Variants in PTPRM observed in about 807,000 individuals in gnomAD.
The protein encoded by PTPRM is receptor-type tyrosine-protein phosphatase mu.
PTPRM carries 47 observed loss-of-function variants against 186.7 expected under a neutral mutation model. The ratio of observed to expected loss-of-function variants is 0.25; its 90% CI spans 0.20 to 0.32. The LOEUF (loss-of-function observed/expected upper bound fraction) is 0.32, where lower values mean the gene tolerates loss of function less well. Ranked by LOEUF, PTPRM falls within the 10% of genes least tolerant of loss-of-function variation. The pLI is 1.00. For missense variants in PTPRM, 1,494 were observed against 1,865.0 expected (o/e 0.80, Z 3.66); for synonymous variants, 668 against 674.9 (o/e 0.99, Z 0.16).
rs181789779 is a variant in PTPRM at position 8,353,579 on chromosome 18, G to T, written c.3054+10059G>T. The stretch of plus-strand genomic sequence containing the variant: ...GAGGAGAACTTGAGAATGAACCAGG[G>T]TTTCTACCACTGTGACTTGGGTTGC... On this transcript the variant is annotated intron_variant, in intron 23 of 32. Transcript: ENST00000580170. Among the ~76,000 whole-genome samples, 33 of 152,090 alleles carry T rather than the reference G, an allele frequency of 2.2e-4. No homozygotes were observed. The East Asian group carries it at 5.8e-3, about 27-fold the overall frequency.
chr18:8,152,745 G>GTC (rs1462450428), intron 14 of PTPRM, among the ~76,000 whole-genome samples: 1 of 103,994 alleles, frequency 9.6e-6, no homozygotes, highest in Non-Finnish European at 1.8e-5. Flanking sequence ...TTGAGATAGG[G>GTC]TCTCGTTCTG....
At chr18:8,257,272 G>A (rs1184594037) in intron 19 of PTPRM, among the ~76,000 whole-genome samples, 2 of 152,210 alleles carry the variant, frequency 1.3e-5, no homozygotes, top group African/African-American at 4.8e-5. Flanking sequence ...AATGGCAGGA[G>A]TTCTATATGC....
chr18:8,068,487 T>C (rs1013186549), intron 7 of PTPRM, among the ~76,000 whole-genome samples: 1 of 152,238 alleles, frequency 6.6e-6, no homozygotes, highest in African/African-American at 2.4e-5. Context: ...AAGCTTTCTC[T>C]GCATATATTT....
chr18:8,113,835 T>A, intron 12 of PTPRM, 76 bp downstream of exon 12: 1 of 1,344,418 alleles, frequency 7.4e-7, no homozygotes, highest in Non-Finnish European at 1.0e-6. Context: ...AAAATAGTAG[T>A]AAAATGGAAG....
chr18:7,903,607 G>A lies in PTPRM; in HGVS notation c.469-2898G>A, dbSNP rs80015095. On this transcript the variant is annotated intron_variant, in intron 3 of 32. Transcript: ENST00000580170. ...GCAGGGTCCCATTGCAGGAATATCCGTGCATATCTTCCTTTCTCTTGTATT... is the reference window on the plus strand; with the variant it reads ...GCAGGGTCCCATTGCAGGAATATCCATGCATATCTTCCTTTCTCTTGTATT... Among the ~76,000 whole-genome samples the A allele has an allele frequency of 6.7e-3, 1,022 of 152,332 alleles. 10 individuals carry two copies. Among genetic ancestry groups the A allele is most frequent in the African/African-American group, 0.02 (814 of 41,564 alleles).
intron 14 of PTPRM, among the ~76,000 whole-genome samples, chr18:8,238,201 TCTC>T (rs1225046428): frequency 2.0e-5 from 3 of 152,230 alleles, no homozygotes; most frequent in Admixed American, 6.5e-5. Context: ...TCTGTTCCTT[TCTC>T]CTCCTTCTTG....
chr18:7,760,581 G>T (rs1001745038), intron 1 of PTPRM, among the ~76,000 whole-genome samples: 24 of 152,052 alleles, frequency 1.6e-4, no homozygotes, highest in African/African-American at 5.8e-4. Context: ...TTTTTTTATA[G>T]ACAGGACTGA....
At chr18:7,984,596 TATATATACACACACAC>T in intron 7 of PTPRM, among the ~76,000 whole-genome samples, 1 of 117,992 alleles carries the variant, frequency 8.5e-6, no homozygotes, top group Non-Finnish European at 1.7e-5. Flanking sequence ...TATATATATA[TATATATACACACACAC>T]ACACACACAC....
chr18:7,815,497 C>T (rs963021759), intron 2 of PTPRM: 5 of 152,104 alleles, frequency 3.3e-5, no homozygotes, highest in African/African-American at 1.2e-4. Context: ...TATTTTTCCT[C>T]ATAGAGATGT....
chr18:8,091,686 G>C (rs1370719849), intron 11 of PTPRM, among the ~76,000 whole-genome samples: 1 of 151,086 alleles, frequency 6.6e-6, no homozygotes, highest in Non-Finnish European at 1.5e-5. Context: ...ATAGATGGAA[G>C]ACCAATATAG....
intron 2 of PTPRM, among the ~76,000 whole-genome samples, chr18:7,810,552 A>G (rs903232270): frequency 8.5e-5 from 13 of 152,160 alleles, no homozygotes; most frequent in African/African-American, 3.1e-4. Flanking sequence ...GTTGCAATGG[A>G]AATAACCTGA....
chr18:8,117,288 C>T (rs1423069020), intron 13 of PTPRM, among the ~76,000 whole-genome samples: 1 of 152,080 alleles, frequency 6.6e-6, no homozygotes, highest in Non-Finnish European at 1.5e-5. Flanking sequence ...TGTGTGTTGC[C>T]ACATACTGCT....
At chr18:7,617,799 G>C (rs956711485) in intron 1 of PTPRM, among the ~76,000 whole-genome samples, 2 of 152,178 alleles carry the variant, frequency 1.3e-5, no homozygotes, top group Non-Finnish European at 2.9e-5. Flanking sequence ...GGAATGTCTG[G>C]GAAGTGGGAA....
chr18:7,732,093 A>G (rs1301548849), intron 1 of PTPRM, among the ~76,000 whole-genome samples: 6 of 152,220 alleles, frequency 3.9e-5, no homozygotes, highest in Non-Finnish European at 5.9e-5. Flanking sequence ...AAAACACAAA[A>G]TAAGAATGGT....
chr18:8,088,896 A>T (rs370151744), intron 11 of PTPRM, 45 bp downstream of exon 11: 13 of 1,406,014 alleles, frequency 9.2e-6, no homozygotes, highest in Non-Finnish European at 1.3e-5. Flanking sequence ...AAGAAAACTA[A>T]ATCAAGTTGA....
chr18:7,606,036 T>A (rs2037523814), intron 1 of PTPRM, among the ~76,000 whole-genome samples: 1 of 152,264 alleles, frequency 6.6e-6, no homozygotes, highest in African/African-American at 2.4e-5. Flanking sequence ...CCACTCCCTT[T>A]ACTGGTCTGC....
chr18:8,025,592 T>C (rs767519024), intron 7 of PTPRM, among the ~76,000 whole-genome samples: 17 of 152,194 alleles, frequency 1.1e-4, no homozygotes, highest in Non-Finnish European at 2.4e-4. Flanking sequence ...TTTATATCTG[T>C]ATTTTATATA....
At chr18:7,667,186 A>G (rs891145262) in intron 1 of PTPRM, among the ~76,000 whole-genome samples, 1 of 152,230 alleles carries the variant, frequency 6.6e-6, no homozygotes, top group Admixed American at 6.5e-5. Context: ...CATAATTAAT[A>G]GTTGTAGTAA....
intron 14 of PTPRM, among the ~76,000 whole-genome samples, chr18:8,208,607 G>A (rs1284787652): frequency 2.6e-5 from 4 of 151,980 alleles, no homozygotes; most frequent in Non-Finnish European, 5.9e-5. Context: ...GAACTCCTGG[G>A]CTCAAGTGAT....
Sources: allele counts gnomAD v4.1 joint callset (sites outside exome capture counted in the v4.1 genomes callset), GRCh38; gene constraint gnomAD v4.1.1; transcripts MANE v1.5; gene names NCBI Gene and HGNC (gene_info 2026-07-23, HGNC 2026-07-21).